Variants in ITGB3 observed in about 807,000 individuals in gnomAD.
The protein encoded by ITGB3 is integrin beta-3.
ITGB3 carries 48 observed loss-of-function variants against 85.8 expected under a neutral mutation model. The observed-to-expected ratio is 0.56, with a 90% CI of 0.44 to 0.71. The LOEUF (loss-of-function observed/expected upper bound fraction) is 0.71. Ranked by LOEUF, ITGB3 falls within the 30% of genes least tolerant of loss-of-function variation. The pLI is 0.00. For missense variants in ITGB3, 861 were observed against 1,019.1 expected (o/e 0.84, Z 2.11); for synonymous variants, 363 against 395.6 (o/e 0.92, Z 0.98).
At chr17:47,289,845 C>G (rs1259168799) in intron 7 of ITGB3, 69 bp downstream of exon 7, 9 of 1,079,118 alleles carry the variant, frequency 8.3e-6, no homozygotes, top group Admixed American at 1.7e-5. Flanking sequence ...CCAGCCTGTG[C>G]TAGCATTGGA....
chr17:47,284,575 C>G lies in ITGB3; in HGVS notation c.494C>G (p.Ala165Gly). Residue 165 changes from alanine (A) to glycine (G), a missense_variant, in exon 4 of 15, where the codon GCC (alanine) becomes GGC (glycine). Transcript: ENST00000559488. ...ATCCAGAACCTGGGTACCAAGCTGG[C>G]CACCCAGATGCGAAAGCTCACCAGT... ...WSIQNLGTKL[A>G]TQMRKLTSNL... 1 of 1,614,150 alleles carries G rather than the reference C, an allele frequency of 6.2e-7. No individual in the cohort carries two copies. The highest frequency in any genetic ancestry group is 8.5e-7 in the Non-Finnish European group (1 of 1,180,030).
intron 1 of ITGB3, among the ~76,000 whole-genome samples, chr17:47,254,471 T>TTTTC (rs879673313): frequency 6.6e-5 from 10 of 152,182 alleles, no homozygotes; most frequent in East Asian, 1.9e-4. Context: ...TCTTTTCCTT[T>TTTTC]TTTCTTTCTT....
Position 47,268,453 on chromosome 17 carries a change from G to A in ITGB3, c.80-5966G>A, listed in dbSNP as rs543574914. Among the ~76,000 whole-genome samples the A allele has an allele frequency of 3.9e-4, 60 of 152,316 alleles. 1 individual carries two copies. Among genetic ancestry groups the A allele is most frequent in the African/African-American group, 1.4e-3 (58 of 41,560 alleles). On this transcript the variant is annotated intron_variant, in intron 1 of 14. Transcript: ENST00000559488. ...GTTACTTCCTAGATACAACGGGAGT[G>A]GAGGCATTGGGTAAATACAGCCATT...
intron 2 of ITGB3, among the ~76,000 whole-genome samples, chr17:47,282,453 A>G (rs2065087160): frequency 6.6e-6 from 1 of 152,180 alleles, no homozygotes; most frequent in African/African-American, 2.4e-5. Flanking sequence ...GATTGCTGTT[A>G]AGTACTGAAG....
At chr17:47,307,786 C>A (rs1309280710) in intron 14 of ITGB3, 149 bp downstream of exon 14, 6 of 780,304 alleles carry the variant, frequency 7.7e-6, no homozygotes, top group Non-Finnish European at 1.3e-5. Context: ...GTCTCACTAT[C>A]CCCTTGTCCT....
chr17:47,307,741 T>C (rs2065194664), intron 14 of ITGB3, 104 bp downstream of exon 14: 3 of 1,085,206 alleles, frequency 2.8e-6, no homozygotes, highest in Non-Finnish European at 2.8e-6. Flanking sequence ...CCATCGTCTT[T>C]CCATTATCCT....
chr17:47,299,381 G>C lies in ITGB3; in HGVS notation c.1764G>C (p.Thr588=), dbSNP rs763874595. The change falls in exon 11 of 15, where the codon ACG becomes ACC. Residue 588 remains threonine, a synonymous_variant. Coordinates refer to ENST00000559488, the MANE Select transcript of ITGB3 (RefSeq NM_000212.3). The surrounding 1 kb of genome is among the most constrained non-coding windows in gnomAD (Gnocchi z 5.1). Reference sequence around the variant, plus strand: ...CCGGCTACTACTGCAACTGTACCACGCGTACTGACACCTGCATGTCCAGCA... The same window carrying C: ...CCGGCTACTACTGCAACTGTACCACCCGTACTGACACCTGCATGTCCAGCA... The part of the protein sequence containing the change: ...DWTGYYCNCT[T]RTDTCMSSNG... The C allele has an allele frequency of 1.2e-6, 2 of 1,614,090 alleles. No individual in the cohort carries two copies. The highest frequency in any genetic ancestry group is 2.7e-5 in the African/African-American group (2 of 74,930).
In ITGB3 at chr17:47,310,660, A is replaced by G; in HGVS notation, c.*456A>G. ...CCTTGGCTCTACCCTGAGTTCATAA[A>G]TTTATGGTTCTCAGGCCTGACTCTC... On this transcript the variant is annotated 3_prime_UTR_variant, in exon 15 of 15. Transcript: ENST00000559488. 4.0e-6 allele frequency: 1 copy of G among 247,770 alleles called. No homozygotes were observed. The allele number at this position is 247,770 out of a possible 1,614,324, so 15.3% of individuals were successfully genotyped here.
intron 2 of ITGB3, among the ~76,000 whole-genome samples, chr17:47,283,073 C>CTT (rs1555572168): frequency 2.1e-5 from 3 of 143,980 alleles, no homozygotes; most frequent in East Asian, 2.0e-4. Context: ...TTTCTTTTTC[C>CTT]TTTTTTTTTT....
intron 2 of ITGB3, among the ~76,000 whole-genome samples, chr17:47,278,153 C>G (rs1567762842): frequency 2.0e-5 from 3 of 152,166 alleles, no homozygotes; most frequent in Non-Finnish European, 4.4e-5. Context: ...GATTTCTTGT[C>G]CTCACCAGAT....
rs13306476 is a variant in ITGB3, at chr17:47,287,209, A to C, written c.917A>C (p.His306Pro). ...CAGTGTCATGTTGGTAGTGACAATC[A>C]TTACTCTGCCTCCACTACCATGGTG... is the stretch of plus-strand genomic sequence containing the variant. Reference protein sequence around the residue: ...DGQCHVGSDNHYSASTTMDYP... With the variant: ...DGQCHVGSDNPYSASTTMDYP... The change falls in exon 6 of 15, where the codon CAT becomes CCT. Residue 306 changes from histidine (H) to proline (P), a missense_variant. Transcript: ENST00000559488. 9.9e-6 allele frequency: 16 copies of C among 1,613,794 alleles called. No homozygotes were observed. The East Asian group carries it at 3.6e-4, about 36-fold the overall frequency.
chr17:47,290,114 ATTTGGGGAGGGC>A, intron 7 of ITGB3, 59 bp from the exon 8 acceptor site: 3 of 1,124,410 alleles, frequency 2.7e-6, no homozygotes, highest in Non-Finnish European at 2.7e-6. Flanking sequence ...TCTCAGTGGG[ATTTGGGGAGGGC>A]TTTTGGAGAC....
At chr17:47,305,635 T>C (rs1000124545) in intron 13 of ITGB3, 2 of 152,154 alleles carry the variant, frequency 1.3e-5, no homozygotes, top group Non-Finnish European at 2.9e-5. Flanking sequence ...CAGCTTTCAA[T>C]AGGGTTATGA....
Position 47,312,626 on chromosome 17 carries a change from G to A in ITGB3, c.*2422G>A, listed in dbSNP as rs1192689732. The stretch of plus-strand genomic sequence containing the variant: ...TTTTATATGAAGAAACTGTATCAAA[G>A]GGGGAAGAAAATGTATTTAACAGGT... On this transcript the variant is annotated 3_prime_UTR_variant, in exon 15 of 15. Coordinates refer to ENST00000559488, the MANE Select transcript of ITGB3 (RefSeq NM_000212.3). 6.6e-6 allele frequency among the ~76,000 whole-genome samples: 1 copy of A among 152,182 alleles called. No homozygotes were observed. Among genetic ancestry groups the A allele is most frequent in the African/African-American group, 2.4e-5 (1 of 41,434 alleles).
At position 47,292,168 on chromosome 17, in the gene ITGB3, A is replaced by T; in HGVS notation, c.1290A>T (p.Arg430=). 6.2e-7 allele frequency: 1 copy of T among 1,614,186 alleles called. No homozygotes were observed. Among genetic ancestry groups the T allele is most frequent in the Non-Finnish European group, 8.5e-7 (1 of 1,180,010 alleles). ...TVSFSIEAKV[R]GCPQEKEKSF... Reference sequence around the variant, plus strand: ...GCTTCAGCATTGAGGCCAAGGTGCGAGGCTGTCCCCAGGAGAAGGAGAAGT... The same window carrying T: ...GCTTCAGCATTGAGGCCAAGGTGCGTGGCTGTCCCCAGGAGAAGGAGAAGT... The change falls in exon 10 of 15, where the codon CGA becomes CGT. Residue 430 remains arginine (R), a synonymous_variant. Transcript: ENST00000559488.
rs760612810 is a variant in ITGB3, at chr17:47,307,621, G to C, written c.2285G>C (p.Arg762Thr). The C allele has an allele frequency of 6.2e-7, 1 of 1,614,198 alleles. No individual in the cohort carries two copies. The highest frequency in any genetic ancestry group is 1.3e-5 in the African/African-American group (1 of 75,064). The change falls in exon 14 of 15, where the codon AGA (arginine) becomes ACA (threonine). Residue 762 changes from arginine (R) to threonine (T), a missense_variant. Physicochemically the swap from Arg to Thr is moderately conservative, Grantham distance 71. Transcript: ENST00000559488. ...EFAKFEEERA[R>T]AKWDTANNPL... ...GCTAAATTTGAGGAAGAACGCGCCA[G>C]AGCAAAATGGGACACAGTAAGAGAC...
intron 13 of ITGB3, among the ~76,000 whole-genome samples, chr17:47,306,406 C>CT (rs2065188126): frequency 6.6e-6 from 1 of 152,154 alleles, no homozygotes; most frequent in Admixed American, 6.5e-5. Context: ...TCCTGAGTAG[C>CT]TGGGACTACA....
At chr17:47,298,061 A>G (rs1256652027) in intron 10 of ITGB3, among the ~76,000 whole-genome samples, 2 of 152,134 alleles carry the variant, frequency 1.3e-5, no homozygotes, top group African/African-American at 4.8e-5. Context: ...TTGAGAAGGG[A>G]ACCAGGTCAA....
At chr17:47,291,719 T>C (rs2065126487) in intron 9 of ITGB3, among the ~76,000 whole-genome samples, 1 of 152,212 alleles carries the variant, frequency 6.6e-6, no homozygotes, top group Non-Finnish European at 1.5e-5. Flanking sequence ...GGAACTGAAG[T>C]AGATCCTGAG....
Sources: gnomAD v4.1 joint callset for allele counts (sites outside exome capture counted in the v4.1 genomes callset) on GRCh38, gnomAD v4.1.1 for gene constraint, Gnocchi (gnomAD v3.1) non-coding constraint, MANE v1.5 for transcripts, NCBI Gene and HGNC (gene_info 2026-07-23, HGNC 2026-07-21) for gene names.